C1orf21: variants seen among roughly 807,000 people sequenced by gnomAD.
C1orf21 encodes uncharacterized protein C1orf21.
In C1orf21, 3 loss-of-function variants were observed where a neutral mutation model predicts 18.7. The ratio of observed to expected loss-of-function variants is 0.16; its 90% confidence interval spans 0.07 to 0.42. The LOEUF (loss-of-function observed/expected upper bound fraction) is 0.42, where lower values mean the gene tolerates loss of function less well. C1orf21 is among the 10% of genes least tolerant of loss of function. The pLI, the probability that C1orf21 is intolerant of heterozygous loss-of-function variation, is 0.99. For missense variants in C1orf21, 104 were observed against 143.6 expected (o/e 0.72, Z 1.41); for synonymous variants, 41 against 46.4 (o/e 0.88, Z 0.47).
At chr1:184,496,932 A>G (rs942037367) in intron 2 of C1orf21, among the ~76,000 whole-genome samples, 2 of 152,188 alleles carry the variant, frequency 1.3e-5, no homozygotes, top group African/African-American at 4.8e-5. Context: ...AGAACATTCA[A>G]GGTGTCTTAC....
At chr1:184,610,131 G>A (rs1659707474) in intron 5 of C1orf21, among the ~76,000 whole-genome samples, 1 of 152,336 alleles carries the variant, frequency 6.6e-6, no homozygotes. Context: ...TCCAGCCTGC[G>A]AGACAAAAAT....
chr1:184,573,570 G>T (rs1659144271), intron 3 of C1orf21, among the ~76,000 whole-genome samples: 2 of 152,166 alleles, frequency 1.3e-5, no homozygotes, highest in African/African-American at 4.8e-5. Flanking sequence ...TTGAAAGTCA[G>T]ATTTGCTTCA....
chr1:184,464,930 C>T (rs575406996), intron 1 of C1orf21, among the ~76,000 whole-genome samples: 6 of 152,144 alleles, frequency 3.9e-5, no homozygotes, highest in East Asian at 1.9e-4. Flanking sequence ...TTTCTCTCTC[C>T]GCCTCTCTCT....
At position 184,620,878 on chromosome 1, in the gene C1orf21, G is replaced by C. The variant is rs1659905029; in HGVS notation, c.*1322G>C. On this transcript the variant is annotated 3_prime_UTR_variant, in exon 6 of 6. Transcript: ENST00000235307. ...CAATCAAAAGGAGAAAATAACTTTT[G>C]TATTTTTTTAATGTGTTTGATAGCT... 2 of 152,542 alleles carry C rather than the reference G, an allele frequency of 1.3e-5. No individual in the cohort carries two copies. Among genetic ancestry groups the C allele is most frequent in the East Asian group, 3.8e-4 (2 of 5,196 alleles). 9.4% of individuals were successfully genotyped at this position (152,542 alleles called of 1,614,324 possible).
chr1:184,464,852 C>T (rs68189478), intron 1 of C1orf21, among the ~76,000 whole-genome samples: 24,226 of 152,128 alleles, frequency 0.16, 2,177 homozygotes, highest in African/African-American at 0.21. Flanking sequence ...GAGGCAACAG[C>T]GGGTCAACAG....
chr1:184,549,171 C>T (rs773108131), intron 3 of C1orf21, among the ~76,000 whole-genome samples: 3 of 152,056 alleles, frequency 2.0e-5, no homozygotes. Context: ...GTCTCCTAGC[C>T]GTGGAACTTT....
At chr1:184,464,973 G>A (rs768540494) in intron 1 of C1orf21, among the ~76,000 whole-genome samples, 3 of 152,088 alleles carry the variant, frequency 2.0e-5, no homozygotes, top group Non-Finnish European at 4.4e-5. Flanking sequence ...ATCTTGCCGT[G>A]TTGCCCAGGC....
intron 3 of C1orf21, among the ~76,000 whole-genome samples, chr1:184,519,784 A>G (rs1330447329): frequency 2.0e-5 from 3 of 152,210 alleles, no homozygotes; most frequent in Non-Finnish European, 4.4e-5. Flanking sequence ...AAAAGCAACC[A>G]TTATGTTTCC....
chr1:184,473,410 A>C (rs1657523224), intron 1 of C1orf21, among the ~76,000 whole-genome samples: 1 of 152,166 alleles, frequency 6.6e-6, no homozygotes, highest in African/African-American at 2.4e-5. Flanking sequence ...GGTAAACAAT[A>C]GAGCATGTGA....
intron 2 of C1orf21, among the ~76,000 whole-genome samples, chr1:184,496,137 G>A (rs1001951667): frequency 1.3e-5 from 2 of 152,044 alleles, no homozygotes; most frequent in Non-Finnish European, 2.9e-5. Context: ...TTATTTGCAT[G>A]GGGTTTGGTA....
intron 3 of C1orf21, among the ~76,000 whole-genome samples, chr1:184,532,791 C>CA (rs1347606341): frequency 6.6e-6 from 1 of 152,118 alleles, no homozygotes; most frequent in Non-Finnish European, 1.5e-5. Context: ...TTCACAGTTA[C>CA]AGTTTTTATT....
chr1:184,533,069 C>G (rs1251651979), intron 3 of C1orf21, among the ~76,000 whole-genome samples: 1 of 152,050 alleles, frequency 6.6e-6, no homozygotes, highest in Admixed American at 6.6e-5. Flanking sequence ...AAAGCCCTTC[C>G]TACAGTGGCT....
intron 3 of C1orf21, among the ~76,000 whole-genome samples, chr1:184,527,294 C>T (rs1658392028): frequency 6.6e-6 from 1 of 152,150 alleles, no homozygotes; most frequent in South Asian, 2.1e-4. Context: ...AGGAATACAG[C>T]AGTATACAAA....
At chr1:184,536,680 A>G (rs1658558637) in intron 3 of C1orf21, among the ~76,000 whole-genome samples, 1 of 152,170 alleles carries the variant, frequency 6.6e-6, no homozygotes, top group Admixed American at 6.5e-5. Flanking sequence ...TAATGTGTGC[A>G]AGTTCCATGT....
chr1:184,597,071 C>T (rs1659525826), intron 4 of C1orf21, among the ~76,000 whole-genome samples: 1 of 152,094 alleles, frequency 6.6e-6, no homozygotes, highest in Non-Finnish European at 1.5e-5. Flanking sequence ...TGCCCAGGAT[C>T]CTACAGAGAG....
At chr1:184,598,363 G>A in intron 4 of C1orf21, 38 bp from the exon 5 acceptor site, 1 of 1,597,416 alleles carries the variant, frequency 6.3e-7, no homozygotes, top group Non-Finnish European at 8.5e-7. Context: ...GTTTAGCAAA[G>A]CACTAAAATA....
At chr1:184,608,271 A>G (rs1178127633) in intron 5 of C1orf21, among the ~76,000 whole-genome samples, 1 of 152,240 alleles carries the variant, frequency 6.6e-6, no homozygotes, top group Non-Finnish European at 1.5e-5. Context: ...AAAGAAGTCT[A>G]TGAAAACAGG....
intron 3 of C1orf21, among the ~76,000 whole-genome samples, chr1:184,529,231 A>G (rs1372168637): frequency 6.6e-6 from 1 of 151,962 alleles, no homozygotes; most frequent in Non-Finnish European, 1.5e-5. Context: ...TCTAGTTTTT[A>G]TTATTCAATT....
chr1:184,451,757 A>C (rs2101979907), intron 1 of C1orf21, among the ~76,000 whole-genome samples: 1 of 152,176 alleles, frequency 6.6e-6, no homozygotes, highest in Non-Finnish European at 1.5e-5. Flanking sequence ...TAACAGCAAA[A>C]TTTTCTCCCA....
Sources: gnomAD v4.1 joint callset for allele counts (sites outside exome capture counted in the v4.1 genomes callset) on GRCh38, gnomAD v4.1.1 for gene constraint, MANE v1.5 for transcripts, NCBI Gene and HGNC (gene_info 2026-07-23, HGNC 2026-07-21) for gene names.